The following IREB2 variants were observed in gnomAD, a reference collection of about 807,000 sequenced individuals.
IREB2 encodes the protein iron responsive element binding protein 2, also known as iron-responsive element-binding protein 2.
In IREB2, 39 loss-of-function variants were observed where a neutral mutation model predicts 118.8. That is an observed-to-expected ratio of 0.33 (90% CI 0.25 to 0.43). IREB2 has a LOEUF of 0.43. IREB2 is among the 20% of genes least tolerant of loss of function. The pLI is 1.00. For missense variants in IREB2, 900 were observed against 1,147.3 expected, an observed-to-expected ratio of 0.78 and a Z score of 3.11; for synonymous variants, 372 against 392.2, an observed-to-expected ratio of 0.95 and a Z score of 0.61.
chr15:78,439,643 A>G (rs1281943011), intron 1 of IREB2, 152 bp from the exon 2 acceptor site: 4 of 554,192 alleles, frequency 7.2e-6, no homozygotes, highest in African/African-American at 3.9e-5. Flanking sequence ...CAATAGCCAC[A>G]CGTTGCTAAT....
chr15:78,463,996 C>T (rs979560954), intron 3 of IREB2, among the ~76,000 whole-genome samples: 1 of 152,242 alleles, frequency 6.6e-6, no homozygotes, highest in Non-Finnish European at 1.5e-5. Flanking sequence ...TACCCTCTAA[C>T]CCAGTCTATC....
At chr15:78,453,672 G>T (rs944574905) in intron 2 of IREB2, among the ~76,000 whole-genome samples, 15 of 152,204 alleles carry the variant, frequency 9.9e-5, no homozygotes, top group African/African-American at 3.1e-4. Flanking sequence ...AGGCAGCAAG[G>T]CTTGTGGGTA....
At position 78,465,340 on chromosome 15, in the gene IREB2, C is replaced by T. The variant is rs371029182; in HGVS notation, c.362C>T (p.Pro121Leu). The change falls in exon 4 of 22, where the codon CCG becomes CTG. Residue 121 changes from proline (P) to leucine (L), a missense_variant. Pro to Leu is a moderately conservative substitution (Grantham distance 98, BLOSUM62 -3). Transcript: ENST00000258886. ...CCTGAGAAAGTCCATCCTGCTTGTC[C>T]GACAGATCTTACAGTTGACCATTCT... ...GDPEKVHPAC[P>L]TDLTVDHSLQ... The T allele has an allele frequency of 4.3e-6, 7 of 1,613,538 alleles. No individual in the cohort carries two copies. Among genetic ancestry groups the T allele is most frequent in the African/African-American group, 1.3e-5 (1 of 75,010 alleles).
chr15:78,474,074 G>A (rs951268567), intron 8 of IREB2: 2 of 152,262 alleles, frequency 1.3e-5, no homozygotes, highest in African/African-American at 4.8e-5. Context: ...CATACACTGA[G>A]CTTGTTAAGC....
In IREB2 at chr15:78,462,971, T is replaced by C. The variant is rs749686273; in HGVS notation, c.156T>C (p.Asn52=). The change falls in exon 3 of 22, where the codon AAT becomes AAC. Residue 52 remains asparagine, a synonymous_variant. Coordinates refer to ENST00000258886, the MANE Select transcript of IREB2 (RefSeq NM_004136.4). ...IRVLLEAAVR[N]CDGFLMKKED... is the part of the protein sequence containing the mutation. Reference sequence around the variant, plus strand: ...TCTTGTTGGAAGCTGCTGTACGAAATTGTGATGGCTTTTTAATGAAGAAGG... The same window carrying C: ...TCTTGTTGGAAGCTGCTGTACGAAACTGTGATGGCTTTTTAATGAAGAAGG... The C allele has an allele frequency of 1.7e-5, 28 of 1,613,166 alleles. No homozygotes were observed. Among genetic ancestry groups the C allele is most frequent in the East Asian group, 2.2e-5 (1 of 44,856 alleles).
chr15:78,461,071 G>A (rs561877691), intron 2 of IREB2, among the ~76,000 whole-genome samples: 12 of 152,144 alleles, frequency 7.9e-5, no homozygotes, highest in South Asian at 6.2e-4. Context: ...ACCTTCTGCC[G>A]TTCAGCTGCC....
At chr15:78,481,058 G>A (rs2051560898) in intron 10 of IREB2, among the ~76,000 whole-genome samples, 1 of 152,028 alleles carries the variant, frequency 6.6e-6, no homozygotes, top group Non-Finnish European at 1.5e-5. Flanking sequence ...GCTTATGCCT[G>A]TAATTACAAC....
Position 78,476,286 on chromosome 15 carries a change from G to C in IREB2, c.1122G>C (p.Met374Ile). The C allele has an allele frequency of 6.2e-7, 1 of 1,609,994 alleles. No homozygotes were observed. Among genetic ancestry groups the C allele is most frequent in the Non-Finnish European group, 8.5e-7 (1 of 1,176,892 alleles). The part of the protein sequence containing the change: ...SIVDRTTIAN[M>I]CPEYGAILSF... ...TTGATCGAACTACAATAGCAAACAT[G>C]TGTCCGGAATATGGTGCTATCCTCA... is the stretch of plus-strand genomic sequence containing the variant. The change falls in exon 9 of 22, where the codon ATG (methionine) becomes ATC (isoleucine). Residue 374 changes from methionine to isoleucine, a missense_variant. Transcript: ENST00000258886.
chr15:78,453,800 G>A (rs2051063146), intron 2 of IREB2, among the ~76,000 whole-genome samples: 2 of 152,136 alleles, frequency 1.3e-5, no homozygotes, highest in African/African-American at 4.8e-5. Flanking sequence ...AGTGGATGAA[G>A]ATAAGAATTA....
rs35032655 is a variant in IREB2, at chr15:78,460,818, AT to A, written c.107-2095del. 7.2e-3 allele frequency among the ~76,000 whole-genome samples: 1,097 copies of A among 151,668 alleles called. 9 individuals carry two copies. Among genetic ancestry groups the A allele is most frequent in the Non-Finnish European group, 0.012 (818 of 67,842 alleles). On this transcript the variant is annotated intron_variant, in intron 2 of 21. Transcript: ENST00000258886. Reference sequence around the variant, plus strand: ...GTAAGGACTTAACTTGGCTACTGTGATTTTTTTTTCCAGATTTTAAAAATAA... The same window carrying A: ...GTAAGGACTTAACTTGGCTACTGTGATTTTTTTTCCAGATTTTAAAAATAA...
chr15:78,494,118 T>A, intron 19 of IREB2, 24 bp from the exon 20 acceptor site: 3 of 1,612,742 alleles, frequency 1.9e-6, no homozygotes, highest in Non-Finnish European at 2.5e-6. Context: ...TATTAAAAAA[T>A]TTTGTGTTTG....
Position 78,497,188 on chromosome 15 carries a change from T to C in IREB2, c.2658T>C (p.Ile886=). The change falls in exon 21 of 22, where the codon ATT becomes ATC. Residue 886 remains isoleucine, a synonymous_variant. Transcript: ENST00000258886. ...EKIHKDHLIG[I]GIAPLQFLPG... ...TACACAAAGATCATTTGATTGGAAT[T>C]GGCATAGCTCCACTTCAGTTCCTTC... The C allele has an allele frequency of 6.2e-7, 1 of 1,614,010 alleles. No homozygotes were observed. Among genetic ancestry groups the C allele is most frequent in the Non-Finnish European group, 8.5e-7 (1 of 1,179,880 alleles).
intron 18 of IREB2, among the ~76,000 whole-genome samples, chr15:78,493,237 A>G (rs1238686100): frequency 6.6e-6 from 1 of 152,140 alleles, no homozygotes; most frequent in Non-Finnish European, 1.5e-5. Context: ...GAGAGGGAAC[A>G]TATACTGTCA....
intron 8 of IREB2, 138 bp downstream of exon 8, chr15:78,473,519 C>G: frequency 1.6e-6 from 1 of 636,888 alleles, no homozygotes; most frequent in Non-Finnish European, 2.7e-6. Context: ...TCATAGTTAT[C>G]ATAGTAATAA....
At chr15:78,466,535 C>T (rs2051286354) in intron 5 of IREB2, 46 bp downstream of exon 5, 1 of 1,334,618 alleles carries the variant, frequency 7.5e-7, no homozygotes, top group East Asian at 2.4e-5. Flanking sequence ...AGGTTATTTT[C>T]CAGTTAAGAA....
intron 2 of IREB2, among the ~76,000 whole-genome samples, chr15:78,440,359 T>C (rs981484774): frequency 3.2e-5 from 4 of 126,468 alleles, no homozygotes; most frequent in Non-Finnish European, 7.2e-5. Context: ...TTTTATTTTC[T>C]CTTTTCTTTT....
At position 78,442,653 on chromosome 15, in the gene IREB2, G is replaced by A. The variant is rs1257284125; in HGVS notation, c.106+2772G>A. Among the ~76,000 whole-genome samples the A allele has an allele frequency of 2.6e-5, 4 of 152,248 alleles. No individual in the cohort carries two copies. The East Asian group carries it at 7.7e-4, about 29-fold the overall frequency. ...AAGAACTGAAAACTTGCTGTCCAAT[G>A]ACTTTAAGAAATACGAGTTTATTTT... On this transcript the variant is annotated intron_variant, in intron 2 of 21. Transcript: ENST00000258886.
chr15:78,471,779 T>G lies in IREB2; in HGVS notation c.738T>G (p.Pro246=), dbSNP rs778866792. 4 of 1,613,026 alleles carry G rather than the reference T, an allele frequency of 2.5e-6. No homozygotes were observed. The highest frequency in any genetic ancestry group is 3.4e-6 in the Non-Finnish European group (4 of 1,179,464). Residue 246 remains proline, a synonymous_variant, in exon 7 of 22, where the codon CCT becomes CCG. Coordinates refer to ENST00000258886, the MANE Select transcript of IREB2 (RefSeq NM_004136.4). ...SRVFKNVAVI[P]PGTGMAHQIN... ...TTTTTAAGAATGTGGCAGTGATCCC[T>G]CCTGGAACTGGAATGGCTCATCAAA...
chr15:78,468,651 A>C (rs2051325477), intron 5 of IREB2, among the ~76,000 whole-genome samples: 1 of 152,136 alleles, frequency 6.6e-6, no homozygotes, highest in Admixed American at 6.5e-5. Flanking sequence ...ATTTATCCTA[A>C]GTACCAAATA....
Sources: gnomAD v4.1 joint callset for allele counts (sites outside exome capture counted in the v4.1 genomes callset) on GRCh38, gnomAD v4.1.1 for gene constraint, MANE v1.5 for transcripts, NCBI Gene and HGNC (gene_info 2026-07-23, HGNC 2026-07-21) for gene names.